Variants in ATG9A observed in about 807,000 individuals in gnomAD.
ATG9A encodes autophagy related 9A.
In ATG9A, 21 loss-of-function variants were observed where a neutral mutation model predicts 87.1. That is an observed-to-expected ratio of 0.24 (90% CI 0.17 to 0.35). The LOEUF is 0.35. Among genes scored for constraint, ATG9A ranks in the 10% least tolerant of loss-of-function variants. ATG9A has a pLI of 1.00. For synonymous variants in ATG9A, 422 were observed against 441.3 expected (o/e 0.96, Z 0.55); for missense variants, 836 against 1,107.3 (o/e 0.76, Z 3.48).
In ATG9A at chr2:219,225,077, G is replaced by A. The variant is rs946456341; in HGVS notation, c.510C>T (p.Ile170=). 6.2e-7 allele frequency: 1 copy of A among 1,614,206 alleles called. No individual in the cohort carries two copies. Among genetic ancestry groups the A allele is most frequent in the Non-Finnish European group, 8.5e-7 (1 of 1,180,046 alleles). ...IHSFYLHALR[I]PMSALPYCTW... ...CCCAACTTCCCAGTCTTACCATAGG[G>A]ATGCGCAGAGCGTGCAGGTAGAAGG... The change falls in exon 7 of 16, where the codon ATC becomes ATT. Residue 170 remains isoleucine (I), a synonymous_variant. Coordinates refer to ENST00000361242, the MANE Select transcript of ATG9A (RefSeq NM_001077198.3).
chr2:219,226,307 C>T (rs900765579), intron 5 of ATG9A, among the ~76,000 whole-genome samples: 2 of 152,172 alleles, frequency 1.3e-5, no homozygotes, highest in African/African-American at 4.8e-5. Flanking sequence ...TCCTAAAGTG[C>T]TGGGATTACA....
chr2:219,225,937 C>T (rs925065547), intron 5 of ATG9A, among the ~76,000 whole-genome samples: 1 of 152,212 alleles, frequency 6.6e-6, no homozygotes, highest in Non-Finnish European at 1.5e-5. Context: ...TTCCTAACCC[C>T]TTCCCCTTCG....
chr2:219,225,544 T>C lies in ATG9A; in HGVS notation c.241A>G (p.Thr81Ala). ...TAGTCCACGCAGCTGACCAGGAAGG[T>C]AGTGAAGGCAACCACAAAGAGGAAC... ...MQFLFVVAFTTFLVSCVDYDI... is the reference protein window; with the variant it reads ...MQFLFVVAFTAFLVSCVDYDI... The change falls in exon 6 of 16, where the codon ACC (threonine) becomes GCC (alanine). Residue 81 changes from threonine to alanine, a missense_variant. Thr to Ala is a moderately conservative substitution (Grantham distance 58). Transcript: ENST00000361242. 6.2e-7 allele frequency: 1 copy of C among 1,613,914 alleles called. No homozygotes were observed. The highest frequency in any genetic ancestry group is 8.5e-7 in the Non-Finnish European group (1 of 1,179,942).
Position 219,222,716 on chromosome 2 carries a change from G to T in ATG9A, c.1777C>A (p.Leu593Ile), listed in dbSNP as rs747915435. The change falls in exon 11 of 16, where the codon CTC becomes ATC. Residue 593 changes from leucine (L) to isoleucine (I), a missense_variant. Physicochemically the swap from Leu to Ile is conservative, Grantham distance 5. Around this residue, in one of 2 missense-constraint regions of ATG9A, gnomAD observed 324 missense variants for 347.6 expected, o/e 0.93. Coordinates refer to ENST00000361242, the MANE Select transcript of ATG9A (RefSeq NM_001077198.3). This position sits in a 1 kb window ranked among gnomAD's most constrained non-coding sequence, Gnocchi z 4.3. ...TCAGGGAGCAGACCCCCTTGGGCGA[G>T]GCTAGCAGCTGCTCCATCCCGCTGA... Reference protein sequence around the residue: ...QVQRDGAAASLAQGGLLPENA... With the variant: ...QVQRDGAAASIAQGGLLPENA... 4 of 1,614,190 alleles carry T rather than the reference G, an allele frequency of 2.5e-6. No individual in the cohort carries two copies. Among genetic ancestry groups the T allele is most frequent in the Non-Finnish European group, 3.4e-6 (4 of 1,180,028 alleles).
In ATG9A at chr2:219,224,866, GGT is replaced by G. The variant is rs1491436376; in HGVS notation, c.517-14_517-13del. The G allele has an allele frequency of 4.6e-6, 7 of 1,513,850 alleles. No individual in the cohort carries two copies. The highest frequency in any genetic ancestry group is 6.2e-6 in the Non-Finnish European group (7 of 1,122,112). 93.8% of individuals were successfully genotyped at this position (1,513,850 alleles called of 1,614,324 possible). ...TACGGAAGGGCAGACTGCGGGGTGG[GGT>G]GGGGAAGAGACAAGGTACGGAAGGT... On this transcript the variant is annotated splice_polypyrimidine_tract_variant and intron_variant, in intron 7 of 15. Coordinates refer to ENST00000361242, the MANE Select transcript of ATG9A (RefSeq NM_001077198.3). This position sits in a 1 kb window ranked among gnomAD's most constrained non-coding sequence, Gnocchi z 7.7.
At chr2:219,225,243 G>C (rs753305130) in intron 6 of ATG9A, 31 bp from the exon 7 acceptor site, 1 of 1,613,254 alleles carries the variant, frequency 6.2e-7, no homozygotes, top group Admixed American at 1.7e-5. Flanking sequence ...GAGGAGAGGT[G>C]GCCCTCGAGG....
At position 219,228,438 on chromosome 2, in the gene ATG9A, T is replaced by C. The variant is rs566866592; in HGVS notation, c.-34A>G. On this transcript the variant is annotated 5_prime_UTR_variant, in exon 2 of 16. Transcript: ENST00000361242. Reference sequence around the variant, plus strand: ...GAGAAAAGCACATGGCCCTACCAGCTCCATGGACAGTATGTGCTCCTCTCC... The same window carrying C: ...GAGAAAAGCACATGGCCCTACCAGCCCCATGGACAGTATGTGCTCCTCTCC... 1 of 170,092 alleles carries C rather than the reference T, an allele frequency of 5.9e-6. No homozygotes were observed. Among genetic ancestry groups the C allele is most frequent in the Non-Finnish European group, 1.3e-5 (1 of 78,444 alleles). The allele number at this position is 170,092 out of a possible 1,614,324, so 10.5% of individuals were successfully genotyped here.
At chr2:219,226,035 T>C (rs1950853741) in intron 5 of ATG9A, among the ~76,000 whole-genome samples, 1 of 152,178 alleles carries the variant, frequency 6.6e-6, no homozygotes, top group Non-Finnish European at 1.5e-5. Context: ...GGCTTTTCTC[T>C]GTGGCTGGCA....
chr2:219,223,238 C>A lies in ATG9A; in HGVS notation c.1600-345G>T, dbSNP rs531433571. 1.1e-3 allele frequency among the ~76,000 whole-genome samples: 174 copies of A among 152,260 alleles called. No individual in the cohort carries two copies. The highest frequency in any genetic ancestry group is 1.9e-3 in the Non-Finnish European group (129 of 68,024). ...GAGTAGCTGGGACTACAGGCGCCCG[C>A]TACCACGCCTGGCTAATTTTTTTGT... On this transcript the variant is annotated intron_variant, in intron 10 of 15. Coordinates refer to ENST00000361242, the MANE Select transcript of ATG9A (RefSeq NM_001077198.3). The surrounding 1 kb of genome is among the most constrained non-coding windows in gnomAD (Gnocchi z 4.7).
rs1950940028 is a variant in ATG9A at position 219,229,044 on chromosome 2, G to A, written c.-82+491C>T. 1 of 152,278 alleles carries A rather than the reference G, an allele frequency of 6.6e-6. No individual in the cohort carries two copies. The highest frequency in any genetic ancestry group is 2.4e-5 in the African/African-American group (1 of 41,438). 9.4% of individuals were successfully genotyped at this position (152,278 alleles called of 1,614,324 possible). On this transcript the variant is annotated intron_variant, in intron 1 of 15. Transcript: ENST00000361242. The surrounding 1 kb of genome is among the most constrained non-coding windows in gnomAD (Gnocchi z 4.2). ...CAGCCCCTGGGGGCCGTGGATCTTG[G>A]CCCAGCCTGGCCCCGGTGGGATTCC...
Position 219,223,845 on chromosome 2 carries a change from G to A in ATG9A, c.1419+24C>T, listed in dbSNP as rs759475890. ...CCGAGCTACCAGCCAGTCTCTAGCA[G>A]GCCCTAACTCCAACTCCACTCACTG... is the stretch of plus-strand genomic sequence containing the variant. On this transcript the variant is annotated intron_variant, in intron 9 of 15. Coordinates refer to ENST00000361242, the MANE Select transcript of ATG9A (RefSeq NM_001077198.3). The surrounding 1 kb of genome is among the most constrained non-coding windows in gnomAD (Gnocchi z 4.7). 1 of 1,614,126 alleles carries A rather than the reference G, an allele frequency of 6.2e-7. No homozygotes were observed. Among genetic ancestry groups the A allele is most frequent in the East Asian group, 2.2e-5 (1 of 44,868 alleles).
chr2:219,222,704 C>T lies in ATG9A; in HGVS notation c.1789G>A (p.Gly597Ser). Residue 597 changes from glycine to serine, a missense_variant, in exon 11 of 16, where the codon GGT becomes AGT. Gly to Ser is a moderately conservative substitution (Grantham distance 56). Coordinates refer to ENST00000361242, the MANE Select transcript of ATG9A (RefSeq NM_001077198.3). This position sits in a 1 kb window ranked among gnomAD's most constrained non-coding sequence, Gnocchi z 4.3. ...AAGAGGGCATTTTCAGGGAGCAGAC[C>T]CCCTTGGGCGAGGCTAGCAGCTGCT... ...DGAAASLAQG[G>S]LLPENALFTS... The T allele has an allele frequency of 6.2e-7, 1 of 1,614,158 alleles. No individual in the cohort carries two copies. The highest frequency in any genetic ancestry group is 8.5e-7 in the Non-Finnish European group (1 of 1,180,016).
chr2:219,224,243 C>G lies in ATG9A; in HGVS notation c.1128G>C (p.Leu376=). 6.2e-7 allele frequency: 1 copy of G among 1,613,878 alleles called. No individual in the cohort carries two copies. Among genetic ancestry groups the G allele is most frequent in the East Asian group, 2.2e-5 (1 of 44,880 alleles). The change falls in exon 8 of 16, where the codon CTG becomes CTC. Residue 376 remains leucine (L), a synonymous_variant. Coordinates refer to ENST00000361242, the MANE Select transcript of ATG9A (RefSeq NM_001077198.3). The surrounding 1 kb of genome is among the most constrained non-coding windows in gnomAD (Gnocchi z 7.7). The part of the protein sequence containing the change: ...NCFLSPLLTL[L]AKNGAFFAGS... ...CAGCGAAGAAGGCTCCATTCTTGGC[C>G]AGCAGTGTCAAAAGAGGTGACAAGA...
chr2:219,225,926 C>A (rs75939795), intron 5 of ATG9A, among the ~76,000 whole-genome samples: 2,884 of 152,310 alleles, frequency 0.019, 53 homozygotes, highest in East Asian at 0.11. Flanking sequence ...TGAGGGAGGG[C>A]TTCCTAACCC....
In ATG9A at chr2:219,221,244, C is replaced by T; in HGVS notation, c.2204G>A (p.Ser735Asn). 6.3e-7 allele frequency: 1 copy of T among 1,580,712 alleles called. No individual in the cohort carries two copies. The highest frequency in any genetic ancestry group is 2.2e-5 in the East Asian group (1 of 44,596). The change falls in exon 14 of 16, where the codon AGT becomes AAT. Residue 735 changes from serine (S) to asparagine (N), a missense_variant. This residue lies in a region of ATG9A where 324 missense variants were observed against 347.6 expected (regional missense o/e 0.93). Transcript: ENST00000361242. The stretch of plus-strand genomic sequence containing the variant: ...AGGGGCGCTTTCTCCACTCTCATCA[C>T]TCTCCCGGCGGTGCCATACATGCCG... Reference protein sequence around the residue: ...PERHVWHRRESDESGESAPDE... With the variant: ...PERHVWHRRENDESGESAPDE...
chr2:219,225,829 G>C (rs571037467), intron 5 of ATG9A, among the ~76,000 whole-genome samples: 4 of 152,174 alleles, frequency 2.6e-5, no homozygotes, highest in Non-Finnish European at 4.4e-5. Flanking sequence ...CTGGACTCTC[G>C]AAGGTTTCAT....
At position 219,224,177 on chromosome 2, in the gene ATG9A, G is replaced by A. The variant is rs759315800; in HGVS notation, c.1194C>T (p.Asp398=). 2.7e-5 allele frequency: 44 copies of A among 1,613,562 alleles called. No homozygotes were observed. Among genetic ancestry groups the A allele is most frequent in the African/African-American group, 1.9e-4 (14 of 74,900 alleles). ...CATGTTCCACAGCCAACACATCTTC[G>A]TCATAAATGGTGAGGGCAATAAGCA... ...LAVLIALTIY[D]EDVLAVEHVL... The change falls in exon 8 of 16, where the codon GAC becomes GAT. Residue 398 remains aspartate, a synonymous_variant. Transcript: ENST00000361242. This position sits in a 1 kb window ranked among gnomAD's most constrained non-coding sequence, Gnocchi z 7.7.
At chr2:219,221,366 C>A in intron 13 of ATG9A, 64 bp from the exon 14 acceptor site, 1 of 1,428,052 alleles carries the variant, frequency 7.0e-7, no homozygotes, top group South Asian at 1.4e-5. Context: ...AGCTGCCCTC[C>A]AACCTGGTAT....
intron 15 of ATG9A, 99 bp downstream of exon 15, chr2:219,220,648 G>C: frequency 6.6e-7 from 1 of 1,518,448 alleles, no homozygotes. Context: ...CAGTATCTCT[G>C]TGTGGGGGTG....
Sources: gnomAD v4.1 joint callset for allele counts (sites outside exome capture counted in the v4.1 genomes callset) on GRCh38, gnomAD v4.1.1 for gene constraint, gnomAD v4.1.1 regional missense constraint, Gnocchi (gnomAD v3.1) non-coding constraint, MANE v1.5 for transcripts, NCBI Gene and HGNC (gene_info 2026-07-23, HGNC 2026-07-21) for gene names.